Variants in E2F3 observed in about 807,000 individuals in gnomAD.
E2F3 encodes the protein transcription factor E2F3.
A neutral mutation model predicts 44.4 loss-of-function variants in E2F3; 11 were observed. That is an observed-to-expected ratio of 0.25 (90% CI 0.16 to 0.41). The LOEUF is 0.41. E2F3 is among the 10% of genes least tolerant of loss of function. E2F3 has a pLI of 1.00. For synonymous variants in E2F3, 249 were observed against 253.0 expected (o/e 0.98, Z 0.15); for missense variants, 487 against 583.6 (o/e 0.83, Z 1.70).
chr6:20,411,850 G>T (rs964710308), intron 1 of E2F3, among the ~76,000 whole-genome samples: 1 of 152,138 alleles, frequency 6.6e-6, no homozygotes, highest in African/African-American at 2.4e-5. Flanking sequence ...GCCTAATCTT[G>T]CATGTTCATG....
chr6:20,416,656 T>C (rs1759855626), intron 1 of E2F3, among the ~76,000 whole-genome samples: 1 of 152,190 alleles, frequency 6.6e-6, no homozygotes, highest in Non-Finnish European at 1.5e-5. Flanking sequence ...GTGTATGGCT[T>C]AACAAGTCCC....
At chr6:20,407,773 G>A (rs1294418093) in intron 1 of E2F3, among the ~76,000 whole-genome samples, 1 of 152,172 alleles carries the variant, frequency 6.6e-6, no homozygotes, top group Non-Finnish European at 1.5e-5. Context: ...TCCATTTGTA[G>A]GACCAGTTTA....
At chr6:20,425,740 C>T (rs1017960454) in intron 1 of E2F3, among the ~76,000 whole-genome samples, 1 of 152,154 alleles carries the variant, frequency 6.6e-6, no homozygotes, top group Non-Finnish European at 1.5e-5. Flanking sequence ...TGTCTTAGCT[C>T]TCTAGTGGAG....
At chr6:20,459,999 T>C (rs1391611833) in intron 1 of E2F3, among the ~76,000 whole-genome samples, 1 of 152,172 alleles carries the variant, frequency 6.6e-6, no homozygotes, top group Non-Finnish European at 1.5e-5. Context: ...GTTATAGAAA[T>C]GGGCAATAAT....
At chr6:20,448,203 T>C (rs1271395769) in intron 1 of E2F3, among the ~76,000 whole-genome samples, 2 of 152,230 alleles carry the variant, frequency 1.3e-5, no homozygotes, top group African/African-American at 4.8e-5. Context: ...TTGGTTGTTA[T>C]GAGCGCTCTC....
rs192772748 is a variant in E2F3, at chr6:20,472,504, T to C, written c.394-7342T>C. Reference sequence around the variant, plus strand: ...GAGTTCAAGATTGGCTTGGACAAAATAGCAAGACCTCATCTCTACCAAAAA... The same window carrying C: ...GAGTTCAAGATTGGCTTGGACAAAACAGCAAGACCTCATCTCTACCAAAAA... On this transcript the variant is annotated intron_variant, in intron 1 of 6. Coordinates refer to ENST00000346618, the MANE Select transcript of E2F3 (RefSeq NM_001949.5). 3.9e-3 allele frequency among the ~76,000 whole-genome samples: 597 copies of C among 151,736 alleles called. 5 individuals carry two copies. Among genetic ancestry groups the C allele is most frequent in the African/African-American group, 0.014 (566 of 41,390 alleles).
chr6:20,466,679 T>C (rs1402862742), intron 1 of E2F3, among the ~76,000 whole-genome samples: 1 of 129,258 alleles, frequency 7.7e-6, no homozygotes, highest in East Asian at 2.2e-4. Flanking sequence ...TCCCTATCGG[T>C]GTGTTCTTTT....
chr6:20,454,248 C>A (rs1273869775), intron 1 of E2F3, among the ~76,000 whole-genome samples: 1 of 152,198 alleles, frequency 6.6e-6, no homozygotes, highest in Non-Finnish European at 1.5e-5. Flanking sequence ...AATCAGAGAC[C>A]CTGTGTGGAC....
At position 20,401,968 on chromosome 6, in the gene E2F3, T is replaced by G. The variant is rs1759317976; in HGVS notation, c.-265T>G. 1.3e-5 allele frequency: 5 copies of G among 378,992 alleles called. No individual in the cohort carries two copies. The highest frequency in any genetic ancestry group is 2.1e-5 in the African/African-American group (1 of 46,996). 23.5% of individuals were successfully genotyped at this position (378,992 alleles called of 1,614,324 possible). On this transcript the variant is annotated 5_prime_UTR_variant, in exon 1 of 7. Coordinates refer to ENST00000346618, the MANE Select transcript of E2F3 (RefSeq NM_001949.5). ...CGCCGCCGCCTCGCAATCCGTTGCA[T>G]CGGCCGCCCCCGACGCCTCCATCCC...
intron 1 of E2F3, among the ~76,000 whole-genome samples, chr6:20,453,916 C>T (rs1761224860): frequency 6.6e-6 from 1 of 152,200 alleles, no homozygotes; most frequent in African/African-American, 2.4e-5. Context: ...ACAGCTCTTC[C>T]ACTTTGTCCT....
At chr6:20,481,462 G>A in intron 3 of E2F3, 37 bp downstream of exon 3, 1 of 1,597,176 alleles carries the variant, frequency 6.3e-7, no homozygotes, top group Non-Finnish European at 8.6e-7. Context: ...GGCTCTGAGG[G>A]GGTCGTTTCA....
intron 1 of E2F3, among the ~76,000 whole-genome samples, chr6:20,449,548 T>C (rs1561866190): frequency 6.6e-6 from 1 of 152,216 alleles, no homozygotes; most frequent in South Asian, 2.1e-4. Context: ...GGTAATTTCC[T>C]ATAAGGGGAT....
chr6:20,462,632 A>G (rs565139838), intron 1 of E2F3, among the ~76,000 whole-genome samples: 1 of 151,550 alleles, frequency 6.6e-6, no homozygotes, highest in East Asian at 2.0e-4. Flanking sequence ...AAATTTTTGT[A>G]TTTTTAGTAG....
At chr6:20,462,076 C>T (rs1411040197) in intron 1 of E2F3, among the ~76,000 whole-genome samples, 1 of 152,128 alleles carries the variant, frequency 6.6e-6, no homozygotes, top group African/African-American at 2.4e-5. Context: ...TCTAATTTTT[C>T]TCTTGGGTTA....
chr6:20,422,480 C>G (rs1001420937), intron 1 of E2F3, among the ~76,000 whole-genome samples: 1 of 152,232 alleles, frequency 6.6e-6, no homozygotes, highest in Admixed American at 6.5e-5. Context: ...CCTTTCCCTT[C>G]ACATTCACAA....
intron 1 of E2F3, among the ~76,000 whole-genome samples, chr6:20,466,129 T>A (rs9295470): frequency 6.8e-6 from 1 of 147,954 alleles, no homozygotes; most frequent in African/African-American, 2.5e-5. Context: ...GGGCGGGGGG[T>A]GTGGGCAGAG....
At chr6:20,484,220 G>C (rs989127616) in intron 4 of E2F3, among the ~76,000 whole-genome samples, 1 of 152,184 alleles carries the variant, frequency 6.6e-6, no homozygotes, top group Non-Finnish European at 1.5e-5. Flanking sequence ...TCCTTGCAGG[G>C]AACTTCGAAC....
intron 1 of E2F3, among the ~76,000 whole-genome samples, chr6:20,432,746 G>A (rs1416257857): frequency 1.3e-5 from 2 of 152,156 alleles, no homozygotes; most frequent in Admixed American, 6.6e-5. Flanking sequence ...GACCCTGTTC[G>A]ACGTTTCCTC....
chr6:20,419,846 G>C (rs963794612), intron 1 of E2F3, among the ~76,000 whole-genome samples: 4 of 150,242 alleles, frequency 2.7e-5, no homozygotes, highest in African/African-American at 9.8e-5. Flanking sequence ...GATTACAGGC[G>C]CAAGCTACTG....
Sources: gnomAD v4.1 joint callset for allele counts (sites outside exome capture counted in the v4.1 genomes callset) on GRCh38, gnomAD v4.1.1 for gene constraint, MANE v1.5 for transcripts, NCBI Gene and HGNC (gene_info 2026-07-23, HGNC 2026-07-21) for gene names.